Variants in MSRA observed in about 807,000 individuals in gnomAD.
MSRA encodes methionine sulfoxide reductase A, also known as mitochondrial peptide methionine sulfoxide reductase.
Under a neutral mutation model 31.3 loss-of-function variants are expected in MSRA, and 54 were observed. That is an observed-to-expected ratio of 1.73 (90% CI 1.39 to 2.17). MSRA has a LOEUF of 2.17. Ranked by LOEUF, MSRA falls within the 30% of genes most tolerant of loss-of-function variation. The pLI is 0.00. For synonymous variants in MSRA, 169 were observed against 116.5 expected (o/e 1.45, Z -2.90); for missense variants, 507 against 300.9 (o/e 1.69, Z -5.07).
At chr8:10,370,965 C>T (rs1415360820) in intron 5 of MSRA, among the ~76,000 whole-genome samples, 5 of 152,176 alleles carry the variant, frequency 3.3e-5, no homozygotes, top group Admixed American at 3.3e-4. Context: ...GAAGACGTGT[C>T]TGAAGTGTGA....
At position 10,428,718 on chromosome 8, in the gene MSRA, T is replaced by G. The variant is rs139981292; in HGVS notation, c.*406T>G. The G allele has an allele frequency of 1.0e-3, 204 of 198,806 alleles. No homozygotes were observed. The highest frequency in any genetic ancestry group is 4.7e-3 in the African/African-American group (196 of 41,944). The allele number at this position is 198,806 out of a possible 1,614,324, so 12.3% of individuals were successfully genotyped here. A position where few individuals can be genotyped will look rare whatever the true frequency, so the allele number is the denominator to read the frequency against. ...AAACGTGTATAGCCTCAGTGACTCA[T>G]TCGCTGAAATCCTTCGCTTTACCAA... On this transcript the variant is annotated 3_prime_UTR_variant, in exon 6 of 6. Coordinates refer to ENST00000317173, the MANE Select transcript of MSRA (RefSeq NM_012331.5).
intron 1 of MSRA, among the ~76,000 whole-genome samples, chr8:10,149,323 G>A (rs564730910): frequency 6.6e-6 from 1 of 152,184 alleles, no homozygotes; most frequent in East Asian, 1.9e-4. Flanking sequence ...GGGTTTCACT[G>A]TGTTGACCAG....
intron 2 of MSRA, among the ~76,000 whole-genome samples, chr8:10,233,983 A>T (rs1811718412): frequency 6.6e-6 from 1 of 152,226 alleles, no homozygotes; most frequent in Non-Finnish European, 1.5e-5. Flanking sequence ...CAGCAGGCTT[A>T]TGAGTGCCAA....
chr8:10,063,470 C>G (rs747872441), intron 1 of MSRA, among the ~76,000 whole-genome samples: 4 of 152,342 alleles, frequency 2.6e-5, no homozygotes, highest in South Asian at 2.1e-4. Flanking sequence ...CACCCCGAGG[C>G]TGGCTCCTGC....
chr8:10,191,161 G>C (rs751050972), intron 1 of MSRA, among the ~76,000 whole-genome samples: 1 of 152,168 alleles, frequency 6.6e-6, no homozygotes, highest in Non-Finnish European at 1.5e-5. Flanking sequence ...TTAATGTTTA[G>C]ATTTTATTTT....
intron 5 of MSRA, among the ~76,000 whole-genome samples, chr8:10,333,518 T>C (rs1802830150): frequency 6.6e-6 from 1 of 152,194 alleles, no homozygotes; most frequent in African/African-American, 2.4e-5. Context: ...AGTGGCTCTG[T>C]ACTTGCTTTG....
intron 5 of MSRA, among the ~76,000 whole-genome samples, chr8:10,323,762 G>GTGTGTGTGTGTC (rs1413180249): frequency 6.6e-6 from 1 of 151,518 alleles, no homozygotes; most frequent in African/African-American, 2.4e-5. Context: ...GTGTGTGTGT[G>GTGTGTGTGTGTC]TGTGTGTGTG....
chr8:10,318,964 C>A (rs1268776187), intron 4 of MSRA, among the ~76,000 whole-genome samples: 1 of 152,162 alleles, frequency 6.6e-6, no homozygotes, highest in Non-Finnish European at 1.5e-5. Flanking sequence ...TCTACCTTCA[C>A]CCTTGGCGCC....
At chr8:10,353,063 G>C (rs926449437) in intron 5 of MSRA, among the ~76,000 whole-genome samples, 7 of 152,234 alleles carry the variant, frequency 4.6e-5, no homozygotes, top group Admixed American at 3.9e-4. Flanking sequence ...GAGAGGTGGA[G>C]AGAGCATTCC....
At chr8:10,283,089 G>T (rs918223255) in intron 3 of MSRA, among the ~76,000 whole-genome samples, 1 of 150,938 alleles carries the variant, frequency 6.6e-6, no homozygotes, top group African/African-American at 2.4e-5. Context: ...AGCCAGTTCA[G>T]ATGATAGGTG....
chr8:10,211,567 C>G (rs1203739418), intron 2 of MSRA, among the ~76,000 whole-genome samples: 2 of 152,156 alleles, frequency 1.3e-5, no homozygotes, highest in Non-Finnish European at 2.9e-5. Context: ...TGTCTTTGTT[C>G]CTGGTAGCTG....
intron 4 of MSRA, among the ~76,000 whole-genome samples, chr8:10,305,409 C>CT (rs549346544): frequency 0.1 from 12,386 of 122,546 alleles, 786 homozygotes; most frequent in South Asian, 0.14. Context: ...TGTTTTCTTC[C>CT]TTTTTTTTTT....
chr8:10,304,757 C>G (rs191019035), intron 4 of MSRA, among the ~76,000 whole-genome samples: 1 of 152,208 alleles, frequency 6.6e-6, no homozygotes, highest in African/African-American at 2.4e-5. Context: ...AAAGCCGCCA[C>G]TAGAGAAGAT....
chr8:10,326,832 C>T (rs770076198), intron 5 of MSRA, among the ~76,000 whole-genome samples: 7 of 152,192 alleles, frequency 4.6e-5, no homozygotes, highest in Non-Finnish European at 7.3e-5. Context: ...TCATGAGAAA[C>T]ATTTCCCAGT....
At chr8:10,409,926 G>T (rs1808054253) in intron 5 of MSRA, among the ~76,000 whole-genome samples, 1 of 152,196 alleles carries the variant, frequency 6.6e-6, no homozygotes, top group African/African-American at 2.4e-5. Flanking sequence ...TGGCATGGGT[G>T]GCACGTGTCT....
intron 2 of MSRA, among the ~76,000 whole-genome samples, chr8:10,240,587 C>T (rs1161479644): frequency 6.6e-6 from 1 of 152,288 alleles, no homozygotes; most frequent in Non-Finnish European, 1.5e-5. Flanking sequence ...CCCCAGATTT[C>T]CTAATTCTTC....
chr8:10,147,317 C>T (rs910969076), intron 1 of MSRA, among the ~76,000 whole-genome samples: 2 of 152,128 alleles, frequency 1.3e-5, no homozygotes, highest in African/African-American at 4.8e-5. Flanking sequence ...AGCAAAGGGG[C>T]TGGCCACCGA....
At chr8:10,316,977 A>G (rs1801762956) in intron 4 of MSRA, among the ~76,000 whole-genome samples, 1 of 152,120 alleles carries the variant, frequency 6.6e-6, no homozygotes, top group Non-Finnish European at 1.5e-5. Context: ...TTCCTGTGCC[A>G]CTGCAGCATG....
chr8:10,091,223 A>G (rs1183861243), intron 1 of MSRA, among the ~76,000 whole-genome samples: 2 of 152,172 alleles, frequency 1.3e-5, no homozygotes, highest in Non-Finnish European at 2.9e-5. Flanking sequence ...TCGTAACGAT[A>G]TTGGTCTGTA....
Sources: gnomAD v4.1 joint callset for allele counts (sites outside exome capture counted in the v4.1 genomes callset) on GRCh38, gnomAD v4.1.1 for gene constraint, MANE v1.5 for transcripts, NCBI Gene and HGNC (gene_info 2026-07-23, HGNC 2026-07-21) for gene names.